Variants in DLC1 observed in about 807,000 individuals in gnomAD.
DLC1 encodes the protein rho GTPase-activating protein 7.
A neutral mutation model predicts 140.3 loss-of-function variants in DLC1; 54 were observed. The observed-to-expected ratio is 0.38, with a 90% CI of 0.31 to 0.48. The LOEUF is 0.48. Ranked by LOEUF, DLC1 falls within the 20% of genes least tolerant of loss-of-function variation. DLC1 has a pLI of 0.96. For synonymous variants in DLC1, 986 were observed against 728.1 expected, an observed-to-expected ratio of 1.35 and a Z score of -5.70; for missense variants, 2,536 against 1,907.0, an observed-to-expected ratio of 1.33 and a Z score of -6.14.
At chr8:13,205,588 AAC>A (rs756305646) in intron 5 of DLC1, among the ~76,000 whole-genome samples, 28 of 152,144 alleles carry the variant, frequency 1.8e-4, no homozygotes, top group Non-Finnish European at 3.7e-4. Flanking sequence ...AAAATAGACT[AAC>A]ACTAATGATA....
chr8:13,447,236 C>A (rs892441609), intron 2 of DLC1, among the ~76,000 whole-genome samples: 1 of 152,160 alleles, frequency 6.6e-6, no homozygotes, highest in Non-Finnish European at 1.5e-5. Context: ...GCAGTCTACT[C>A]ATTTCCCTTA....
intron 4 of DLC1, among the ~76,000 whole-genome samples, chr8:13,349,754 A>G (rs752984242): frequency 6.6e-6 from 1 of 152,238 alleles, no homozygotes; most frequent in African/African-American, 2.4e-5. Flanking sequence ...AGTATAAGTG[A>G]TCAATCCAAG....
intron 4 of DLC1, among the ~76,000 whole-genome samples, chr8:13,318,100 T>C (rs1223017112): frequency 6.6e-6 from 1 of 152,154 alleles, no homozygotes; most frequent in Non-Finnish European, 1.5e-5. Flanking sequence ...TGATCATAGC[T>C]CACTGTAACC....
chr8:13,537,600 T>A (rs1183908770), intron 1 of DLC1, among the ~76,000 whole-genome samples: 1 of 147,972 alleles, frequency 6.8e-6, no homozygotes, highest in Non-Finnish European at 1.5e-5. Flanking sequence ...ACAGTGATAA[T>A]AACTAGGATG....
intron 1 of DLC1, among the ~76,000 whole-genome samples, chr8:13,589,127 C>T (rs983444273): frequency 5.3e-5 from 8 of 152,042 alleles, no homozygotes; most frequent in South Asian, 2.1e-4. Context: ...TTTAACCACA[C>T]GATCCATATT....
At position 13,368,749 on chromosome 8, in the gene DLC1, A is replaced by C. The variant is rs146421350; in HGVS notation, c.1314+24804T>G. 9.7e-4 allele frequency among the ~76,000 whole-genome samples: 147 copies of C among 152,250 alleles called. 1 individual carries two copies. The highest frequency in any genetic ancestry group is 1.8e-3 in the Non-Finnish European group (120 of 68,014). ...TTTATGGTTTCCAGTTTCTAGAATA[A>C]ACAAGTTTCTTCCAAGTAAGGATAA... On this transcript the variant is annotated intron_variant, in intron 4 of 17. Transcript: ENST00000276297.
intron 6 of DLC1, among the ~76,000 whole-genome samples, chr8:13,113,453 C>G (rs1391927982): frequency 6.6e-6 from 1 of 152,202 alleles, no homozygotes; most frequent in Non-Finnish European, 1.5e-5. Flanking sequence ...GTAACTTGTG[C>G]AAATGCACCC....
chr8:13,381,995 G>T (rs1371030716), intron 4 of DLC1, among the ~76,000 whole-genome samples: 1 of 152,096 alleles, frequency 6.6e-6, no homozygotes, highest in Non-Finnish European at 1.5e-5. Flanking sequence ...CATAAGCCAG[G>T]TAGCTTTTGA....
chr8:13,567,957 A>T, intron 1 of DLC1: 3 of 1,529,404 alleles, frequency 2.0e-6, no homozygotes, highest in Non-Finnish European at 2.6e-6. Context: ...TGTAATGTGG[A>T]TAGATGTCTT....
intron 1 of DLC1, among the ~76,000 whole-genome samples, chr8:13,531,815 A>T (rs1323762179): frequency 1.3e-5 from 2 of 152,242 alleles, no homozygotes; most frequent in African/African-American, 2.4e-5. Context: ...TCTAAGCAAG[A>T]TGAATCAAAA....
intron 2 of DLC1, among the ~76,000 whole-genome samples, chr8:13,472,340 G>T (rs1033873839): frequency 6.6e-6 from 1 of 152,080 alleles, no homozygotes; most frequent in Non-Finnish European, 1.5e-5. Flanking sequence ...CATTTTCTTG[G>T]GGGAGGGGAA....
At chr8:13,226,621 T>C (rs540246016) in intron 5 of DLC1, among the ~76,000 whole-genome samples, 6 of 152,320 alleles carry the variant, frequency 3.9e-5, no homozygotes, top group Non-Finnish European at 8.8e-5. Flanking sequence ...TACAAACATA[T>C]GGCAATTGTA....
At chr8:13,437,047 C>T (rs1449483330) in intron 2 of DLC1, among the ~76,000 whole-genome samples, 1 of 152,206 alleles carries the variant, frequency 6.6e-6, no homozygotes, top group Non-Finnish European at 1.5e-5. Flanking sequence ...AGTCATCTCT[C>T]AAATAGTTTC....
At chr8:13,196,780 T>G (rs1292080049) in intron 5 of DLC1, among the ~76,000 whole-genome samples, 1 of 152,202 alleles carries the variant, frequency 6.6e-6, no homozygotes, top group Non-Finnish European at 1.5e-5. Flanking sequence ...CAAATATCTT[T>G]CAGTCCTCCT....
chr8:13,331,208 C>T (rs1586151002), intron 4 of DLC1, among the ~76,000 whole-genome samples: 1 of 152,198 alleles, frequency 6.6e-6, no homozygotes, highest in Non-Finnish European at 1.5e-5. Context: ...ACTTTTAATT[C>T]AATTTTTAAT....
At chr8:13,342,915 C>T (rs947477997) in intron 4 of DLC1, among the ~76,000 whole-genome samples, 8 of 151,776 alleles carry the variant, frequency 5.3e-5, no homozygotes, top group Non-Finnish European at 1.2e-4. Context: ...ATACAACATA[C>T]ATCAATGACA....
intron 2 of DLC1, among the ~76,000 whole-genome samples, chr8:13,478,917 G>T (rs1263237292): frequency 1.3e-5 from 2 of 152,218 alleles, no homozygotes; most frequent in Admixed American, 1.3e-4. Flanking sequence ...AAGCTGGCCT[G>T]TTGGCCTCCT....
chr8:13,375,991 C>T (rs1835965462), intron 4 of DLC1, among the ~76,000 whole-genome samples: 1 of 152,106 alleles, frequency 6.6e-6, no homozygotes, highest in Non-Finnish European at 1.5e-5. Flanking sequence ...AAATTTTCTC[C>T]TAATATTTTC....
intron 5 of DLC1, among the ~76,000 whole-genome samples, chr8:13,287,197 G>T (rs1490152241): frequency 6.6e-6 from 1 of 152,070 alleles, no homozygotes; most frequent in South Asian, 2.1e-4. Context: ...TACTGGCTTG[G>T]GCTTTCTGGC....
Sources: gnomAD v4.1 joint callset for allele counts (sites outside exome capture counted in the v4.1 genomes callset) on GRCh38, gnomAD v4.1.1 for gene constraint, MANE v1.5 for transcripts, NCBI Gene and HGNC (gene_info 2026-07-23, HGNC 2026-07-21) for gene names.